MYO1B: variants seen among roughly 807,000 people sequenced by gnomAD.
MYO1B encodes the protein myosin IB.
Under a neutral mutation model 159.7 loss-of-function variants are expected in MYO1B, and 72 were observed. The ratio of observed to expected loss-of-function variants is 0.45; its 90% CI spans 0.37 to 0.55. The LOEUF (loss-of-function observed/expected upper bound fraction) is 0.55, where lower values mean the gene tolerates loss of function less well. Ranked by LOEUF, MYO1B falls within the 20% of genes least tolerant of loss-of-function variation. The probability of loss-of-function intolerance (pLI) is 0.00; values close to 1 mark genes in which losing one functional copy is unlikely to be tolerated. For missense variants in MYO1B, 1,062 were observed against 1,364.8 expected (o/e 0.78, Z 3.50); for synonymous variants, 468 against 473.8 (o/e 0.99, Z 0.16).
chr2:191,386,037 AC>A lies in MYO1B; in HGVS notation c.1508del (p.Thr503SerfsTer62), dbSNP rs1300219996. The A allele has an allele frequency of 6.2e-7, 1 of 1,614,096 alleles. No homozygotes were observed. The highest frequency in any genetic ancestry group is 1.1e-5 in the South Asian group (1 of 91,068). ...CAAGTGCTCTCGGTTCCTCAATGAC[AC>A]GTCTCTGCCTCACAGCTGCTTCAGG... is the stretch of plus-strand genomic sequence containing the variant. ...MSKCSRFLND[T>X]SLPHSCFRIQ... On this transcript the variant is annotated frameshift_variant, in exon 16 of 31. Transcript: ENST00000392318. LOFTEE classifies it high-confidence loss of function.
chr2:191,400,533 C>G lies in MYO1B; in HGVS notation c.2382+65C>G, dbSNP rs148549815. 564 of 1,555,070 alleles carry G rather than the reference C, an allele frequency of 3.6e-4. 3 individuals are homozygous for G. The African/African-American group carries it at 6.7e-3, about 19-fold the overall frequency. ...AACGTCATGTGGAACCATGAACCCT[C>G]GGCTTCAGGGGCAGAAAATGTTTCA... On this transcript the variant is annotated intron_variant, in intron 22 of 30. Transcript: ENST00000392318.
In MYO1B at chr2:191,321,429, C is replaced by A. The variant is rs1046381169; in HGVS notation, c.252-8506C>A. ...GTGTTGGGAATTTGTTTAAAGTGAG[C>A]CAGAAAGTCTATTCTTGTAGACCAT... is the stretch of plus-strand genomic sequence containing the variant. On this transcript the variant is annotated intron_variant, in intron 3 of 30. Transcript: ENST00000392318. 3.3e-5 allele frequency among the ~76,000 whole-genome samples: 5 copies of A among 152,074 alleles called. No homozygotes were observed. The South Asian group carries it at 1.0e-3, about 32-fold the overall frequency.
chr2:191,379,745 A>G (rs1694931897), intron 13 of MYO1B, among the ~76,000 whole-genome samples: 1 of 152,150 alleles, frequency 6.6e-6, no homozygotes, highest in Non-Finnish European at 1.5e-5. Flanking sequence ...ACTTTTACTT[A>G]TAGGTTTTAT....
intron 3 of MYO1B, among the ~76,000 whole-genome samples, chr2:191,326,942 G>T (rs1386626557): frequency 6.6e-6 from 1 of 152,128 alleles, no homozygotes; most frequent in African/African-American, 2.4e-5. Context: ...AATACATGAA[G>T]AATTCAGTGA....
intron 1 of MYO1B, among the ~76,000 whole-genome samples, chr2:191,248,476 G>A (rs1286572962): frequency 3.3e-5 from 5 of 152,208 alleles, no homozygotes; most frequent in Non-Finnish European, 7.3e-5. Flanking sequence ...AAATCGTCTG[G>A]TAACACAGTC....
chr2:191,394,284 C>T (rs1695935851), intron 20 of MYO1B, among the ~76,000 whole-genome samples: 1 of 152,146 alleles, frequency 6.6e-6, no homozygotes, highest in East Asian at 1.9e-4. Flanking sequence ...CGTGGAGTCT[C>T]CTCTGTACAC....
intron 3 of MYO1B, among the ~76,000 whole-genome samples, chr2:191,324,922 T>C (rs1690955163): frequency 6.6e-6 from 1 of 152,150 alleles, no homozygotes; most frequent in Non-Finnish European, 1.5e-5. Flanking sequence ...ATTGGGCAAA[T>C]GTTTCTGAAT....
chr2:191,304,767 G>GTTTCA (rs1188707138), intron 3 of MYO1B, among the ~76,000 whole-genome samples: 1 of 152,168 alleles, frequency 6.6e-6, no homozygotes, highest in Non-Finnish European at 1.5e-5. Flanking sequence ...ATTGAAAAGT[G>GTTTCA]TTTCTGGTAC....
intron 13 of MYO1B, chr2:191,370,940 G>A (rs1427885529): frequency 6.6e-6 from 1 of 152,196 alleles, no homozygotes; most frequent in African/African-American, 2.4e-5. Context: ...AACCATTTGT[G>A]CTTGGTTAAG....
In MYO1B at chr2:191,424,136, A is replaced by T. The variant is rs1198272174; in HGVS notation, c.*176A>T. ...TTATTGGAATAGTTTTAACCTTTCA[A>T]ATACATGTTCTGTCCTGGAGCAGGA... On this transcript the variant is annotated 3_prime_UTR_variant, in exon 31 of 31. Coordinates refer to ENST00000392318, the MANE Select transcript of MYO1B (RefSeq NM_001130158.3). The T allele has an allele frequency of 2.8e-6, 2 of 717,876 alleles. No homozygotes were observed. Among genetic ancestry groups the T allele is most frequent in the Non-Finnish European group, 4.6e-6 (2 of 437,906 alleles). 44.5% of individuals were successfully genotyped at this position (717,876 alleles called of 1,614,324 possible). A position where few individuals can be genotyped will look rare whatever the true frequency, so the allele number is the denominator to read the frequency against.
intron 24 of MYO1B, among the ~76,000 whole-genome samples, chr2:191,403,177 A>G (rs1370509057): frequency 6.6e-6 from 1 of 152,176 alleles, no homozygotes; most frequent in East Asian, 1.9e-4. Flanking sequence ...CCATTGTTCT[A>G]ATTGTTCAGC....
intron 1 of MYO1B, among the ~76,000 whole-genome samples, chr2:191,269,872 G>A (rs1687354889): frequency 6.6e-6 from 1 of 152,056 alleles, no homozygotes; most frequent in Admixed American, 6.6e-5. Context: ...TGGATCAATT[G>A]TTATTTTGTG....
chr2:191,414,277 G>A, intron 28 of MYO1B, 97 bp downstream of exon 28: 2 of 1,449,128 alleles, frequency 1.4e-6, no homozygotes, highest in South Asian at 1.5e-5. Flanking sequence ...CATGTTCTCA[G>A]TAGAGTTAAC....
At position 191,383,212 on chromosome 2, in the gene MYO1B, T is replaced by C. The variant is rs371260495; in HGVS notation, c.1291-68T>C. ...GAAATATGATAAGATGGTCAAAGTC[T>C]GTTTTATGGATGGTAGTGTCGTGGC... is the stretch of plus-strand genomic sequence containing the variant. On this transcript the variant is annotated intron_variant, in intron 14 of 30. Transcript: ENST00000392318. 1.1e-5 allele frequency: 10 copies of C among 914,500 alleles called. No individual in the cohort carries two copies. In the African/African-American group the frequency reaches 1.2e-4, roughly 11 times the overall value. 56.6% of individuals were successfully genotyped at this position (914,500 alleles called of 1,614,324 possible).
chr2:191,401,955 C>T (rs1183634291), intron 23 of MYO1B: 1 of 152,316 alleles, frequency 6.6e-6, no homozygotes, highest in Non-Finnish European at 1.5e-5. Flanking sequence ...TTATTTTTTC[C>T]CTAAGAGTAA....
chr2:191,400,444 T>G lies in MYO1B; in HGVS notation c.2358T>G (p.Ile786Met). ...QKRCKEAVTTIAAYWHGTQAR... is the reference protein window; with the variant it reads ...QKRCKEAVTTMAAYWHGTQAR... ...GCTGTAAGGAAGCAGTCACGACCATTGCTGCATATTGGCATGGGACCCAGG... is the reference window on the plus strand; with the variant it reads ...GCTGTAAGGAAGCAGTCACGACCATGGCTGCATATTGGCATGGGACCCAGG... Residue 786 changes from isoleucine to methionine, a missense_variant, in exon 22 of 31, where the codon ATT (isoleucine) becomes ATG (methionine). By Grantham distance (10) the Ile-to-Met change is conservative (BLOSUM62 1). Coordinates refer to ENST00000392318, the MANE Select transcript of MYO1B (RefSeq NM_001130158.3). 6.2e-7 allele frequency: 1 copy of G among 1,614,140 alleles called. No individual in the cohort carries two copies. The highest frequency in any genetic ancestry group is 8.5e-7 in the Non-Finnish European group (1 of 1,180,032).
intron 3 of MYO1B, among the ~76,000 whole-genome samples, chr2:191,322,504 T>C (rs958918491): frequency 2.6e-5 from 4 of 152,142 alleles, no homozygotes; most frequent in African/African-American, 9.7e-5. Context: ...GAGTAACTCT[T>C]AGCAAGCTGG....
At chr2:191,385,570 G>C (rs35807090) in intron 15 of MYO1B, among the ~76,000 whole-genome samples, 126,540 of 152,064 alleles carry the variant, frequency 0.83, 55,721 homozygotes, top group Non-Finnish European at 0.98. Context: ...TTGTCTTTTT[G>C]TAAGAGTATA....
chr2:191,295,207 A>G (rs1383094519), intron 2 of MYO1B, among the ~76,000 whole-genome samples: 1 of 151,992 alleles, frequency 6.6e-6, no homozygotes, highest in Non-Finnish European at 1.5e-5. Context: ...ACTGAAGGGG[A>G]AAATGGAGCT....
Sources: gnomAD v4.1 joint callset for allele counts (sites outside exome capture counted in the v4.1 genomes callset) on GRCh38, gnomAD v4.1.1 for gene constraint, MANE v1.5 for transcripts, NCBI Gene and HGNC (gene_info 2026-07-23, HGNC 2026-07-21) for gene names.